The following MOB3C variants were observed in gnomAD, a reference collection of about 807,000 sequenced individuals.
MOB3C encodes MOB kinase activator 3C.
Under a neutral mutation model 19.8 loss-of-function variants are expected in MOB3C, and 17 were observed. That is an observed-to-expected ratio of 0.86 (90% confidence interval 0.59 to 1.29). The LOEUF is 1.29. MOB3C is among the 50% of genes most tolerant of loss of function. The pLI, the probability that MOB3C is intolerant of heterozygous loss-of-function variation, is 0.00. For synonymous variants in MOB3C, 101 were observed against 119.2 expected, an observed-to-expected ratio of 0.85 and a Z score of 0.99; for missense variants, 291 against 301.9, an observed-to-expected ratio of 0.96 and a Z score of 0.27.
intron 2 of MOB3C, among the ~76,000 whole-genome samples, chr1:46,610,904 A>C (rs1675453860): frequency 6.6e-6 from 1 of 152,194 alleles, no homozygotes; most frequent in South Asian, 2.1e-4. Flanking sequence ...TACAACTCCA[A>C]GGAGAGTTCA....
chr1:46,613,132 C>T lies in MOB3C; in HGVS notation c.190G>A (p.Val64Met), dbSNP rs757549206. The T allele has an allele frequency of 2.5e-6, 4 of 1,614,140 alleles. No homozygotes were observed. Among genetic ancestry groups the T allele is most frequent in the African/African-American group, 2.7e-5 (2 of 74,954 alleles). Residue 64 changes from valine to methionine, a missense_variant, in exon 2 of 4, where the codon GTG (valine) becomes ATG (methionine). Transcript: ENST00000319928. ...TTGATGCGGTTGAAGAAGTCCACCA[C>T]GTGCACGGCGATCCAGTCGTCGATG... ...ENIDDWIAVH[V>M]VDFFNRINLI...
chr1:46,609,538 G>T lies in MOB3C; in HGVS notation c.*117C>A. ...TGAGAACCAGAAGTCCAGAGGCTTT[G>T]GGTGTGTGGAGTGATTCCAGTGCCT... On this transcript the variant is annotated 3_prime_UTR_variant, in exon 4 of 4. Coordinates refer to ENST00000319928, the MANE Select transcript of MOB3C (RefSeq NM_201403.3). The T allele has an allele frequency of 7.7e-7, 1 of 1,291,202 alleles. No individual in the cohort carries two copies. Among genetic ancestry groups the T allele is most frequent in the Non-Finnish European group, 1.1e-6 (1 of 897,240 alleles). The allele number at this position is 1,291,202 out of a possible 1,614,324, so 80.0% of individuals were successfully genotyped here.
intron 2 of MOB3C, among the ~76,000 whole-genome samples, chr1:46,612,294 G>A (rs1314375318): frequency 1.3e-5 from 2 of 152,156 alleles, no homozygotes. Flanking sequence ...AGGGAACCCC[G>A]GGAGGCTGGA....
rs529141796 is a variant in MOB3C at position 46,610,894 on chromosome 1, T to C, written c.419-690A>G. 4.4e-4 allele frequency among the ~76,000 whole-genome samples: 67 copies of C among 152,332 alleles called. No individual in the cohort carries two copies. In the South Asian group the frequency reaches 0.013, roughly 31 times the overall value. The stretch of plus-strand genomic sequence containing the variant: ...GAGATGCTCACATCACACTCTTGTA[T>C]ACAACTCCAAGGAGAGTTCAACAAC... On this transcript the variant is annotated intron_variant, in intron 2 of 3. Coordinates refer to ENST00000319928, the MANE Select transcript of MOB3C (RefSeq NM_201403.3).
chr1:46,616,484 A>C (rs1675563259), intron 1 of MOB3C: 4 of 149,012 alleles, frequency 2.7e-5, no homozygotes, highest in African/African-American at 7.5e-5. Flanking sequence ...CCCCGAAAAC[A>C]CGCCCCCCAA....
In MOB3C at chr1:46,609,586, G is replaced by A. The variant is rs1168525455; in HGVS notation, c.*69C>T. ...CCTTCAGATTCCTTCAGGCTCCTGG[G>A]GGTCCCCTCTGCCAGCCACCCTATG... is the stretch of plus-strand genomic sequence containing the variant. On this transcript the variant is annotated 3_prime_UTR_variant, in exon 4 of 4. Transcript: ENST00000319928. 1.9e-6 allele frequency: 3 copies of A among 1,595,628 alleles called. No individual in the cohort carries two copies. The highest frequency in any genetic ancestry group is 1.3e-5 in the African/African-American group (1 of 74,542).
At chr1:46,610,301 TC>T in intron 2 of MOB3C, 97 bp from the exon 3 acceptor site, 1 of 1,057,456 alleles carries the variant, frequency 9.5e-7, no homozygotes, top group Non-Finnish European at 1.4e-6. Context: ...GATGGCTTTT[TC>T]CCCAGCACAC....
At chr1:46,610,517 G>A (rs1675446746) in intron 2 of MOB3C, among the ~76,000 whole-genome samples, 1 of 152,144 alleles carries the variant, frequency 6.6e-6, no homozygotes, top group African/African-American at 2.4e-5. Context: ...CCAAGTAGCT[G>A]GGATTACAGA....
At chr1:46,612,450 G>T (rs1212253328) in intron 2 of MOB3C, among the ~76,000 whole-genome samples, 2 of 152,080 alleles carry the variant, frequency 1.3e-5, no homozygotes, top group Non-Finnish European at 2.9e-5. Flanking sequence ...GATCACCTGA[G>T]GTCAGGTGTT....
chr1:46,609,915 G>A (rs886643216), intron 3 of MOB3C, 87 bp downstream of exon 3: 58 of 1,465,994 alleles, frequency 4.0e-5, no homozygotes, highest in African/African-American at 6.9e-5. Flanking sequence ...CTACTTGGGC[G>A]TTGGAGTTAC....
At position 46,613,058 on chromosome 1, in the gene MOB3C, C is replaced by T. The variant is rs751846975; in HGVS notation, c.264G>A (p.Pro88=). Residue 88 remains proline (P), a synonymous_variant, in exon 2 of 4, where the codon CCG becomes CCA. Transcript: ENST00000319928. Reference sequence around the variant, plus strand: ...CGTAGCGGGGCCCGCCGGCCATGACCGGGCAGCTGGTCTCACTGCAGCGCT... The same window carrying T: ...CGTAGCGGGGCCCGCCGGCCATGACTGGGCAGCTGGTCTCACTGCAGCGCT... ...MAERCSETSC[P]VMAGGPRYEY... The T allele has an allele frequency of 6.2e-7, 1 of 1,614,014 alleles. No individual in the cohort carries two copies. Among genetic ancestry groups the T allele is most frequent in the Non-Finnish European group, 8.5e-7 (1 of 1,180,004 alleles).
At position 46,613,016 on chromosome 1, in the gene MOB3C, G is replaced by C. The variant is rs748481466; in HGVS notation, c.306C>G (p.Asp102Glu). The C allele has an allele frequency of 6.2e-7, 1 of 1,613,590 alleles. No homozygotes were observed. Among genetic ancestry groups the C allele is most frequent in the African/African-American group, 1.3e-5 (1 of 75,072 alleles). ...TGGCGGGCCGCCGGTACTGGCGCTC[G>C]TCCTGCCAGCGGTACTCGTAGCGGG... ...GGPRYEYRWQ[D>E]ERQYRRPAKL... Residue 102 changes from aspartate (D) to glutamate (E), a missense_variant, in exon 2 of 4, where the codon GAC becomes GAG. By Grantham distance (45) the Asp-to-Glu change is conservative. Coordinates refer to ENST00000319928, the MANE Select transcript of MOB3C (RefSeq NM_201403.3).
chr1:46,614,776 G>A (rs1005466310), intron 1 of MOB3C: 2 of 546,084 alleles, frequency 3.7e-6, no homozygotes, highest in Non-Finnish European at 6.5e-6. Flanking sequence ...TAAAAGCAAA[G>A]GGATGGCACA....
In MOB3C at chr1:46,613,078, A is replaced by G. The variant is rs768093778; in HGVS notation, c.244T>C (p.Cys82Arg). The G allele has an allele frequency of 4.7e-5, 76 of 1,614,078 alleles. No individual in the cohort carries two copies. Among genetic ancestry groups the G allele is most frequent in the Non-Finnish European group, 6.4e-5 (75 of 1,180,016 alleles). ...NLIYGTMAER[C>R]SETSCPVMAG... ...ATGACCGGGCAGCTGGTCTCACTGC[A>G]GCGCTCCGCCATAGTGCCGTAGATG... is the stretch of plus-strand genomic sequence containing the variant. Residue 82 changes from cysteine to arginine, a missense_variant, in exon 2 of 4, where the codon TGC (cysteine) becomes CGC (arginine). Transcript: ENST00000319928.
At chr1:46,614,931 G>A (rs943597904) in intron 1 of MOB3C, 2 of 1,449,348 alleles carry the variant, frequency 1.4e-6, no homozygotes, top group Non-Finnish European at 1.9e-6. Context: ...AGTAGAAACA[G>A]GCCATTCAGC....
In MOB3C at chr1:46,610,145, G is replaced by A. The variant is rs749521623; in HGVS notation, c.478C>T (p.Arg160Ter). ...TGGATGTAGACATGGACAAAGACTC[G>A]GAAGAGGCGGGTCAGGATCTTGGTG... ...VCTKILTRLF[R>*]VFVHVYIHHF... is the part of the protein sequence containing the mutation. The change falls in exon 3 of 4, where the codon CGA (arginine) becomes TGA (stop). Residue 160 changes from arginine to a stop codon, truncating the protein, a stop_gained. Transcript: ENST00000319928. LOFTEE classifies it high-confidence loss of function. The A allele has an allele frequency of 1.7e-5, 27 of 1,614,038 alleles. No homozygotes were observed. The East Asian group carries it at 4.7e-4, about 28-fold the overall frequency.
chr1:46,613,801 G>T lies in MOB3C; in HGVS notation c.-50-430C>A, dbSNP rs540407844. The T allele has an allele frequency of 2.8e-4, 49 of 173,980 alleles. 1 individual carries two copies. The highest frequency in any genetic ancestry group is 5.0e-4 in the Non-Finnish European group (41 of 82,580). The allele number at this position is 173,980 out of a possible 1,614,324, so 10.8% of individuals were successfully genotyped here. On this transcript the variant is annotated intron_variant, in intron 1 of 3. Coordinates refer to ENST00000319928, the MANE Select transcript of MOB3C (RefSeq NM_201403.3). Reference sequence around the variant, plus strand: ...GCATTGTGCTGGGGGCAGGGTGGAGGGGGGTCGGGGGTGGCTTTCGGCTTC... The same window carrying T: ...GCATTGTGCTGGGGGCAGGGTGGAGTGGGGTCGGGGGTGGCTTTCGGCTTC...
At chr1:46,612,027 A>G (rs953399248) in intron 2 of MOB3C, among the ~76,000 whole-genome samples, 6 of 152,168 alleles carry the variant, frequency 3.9e-5, no homozygotes, top group Non-Finnish European at 8.8e-5. Context: ...TGATGAACAC[A>G]GTGTCATGCC....
intron 1 of MOB3C, chr1:46,614,112 C>G (rs889249028): frequency 6.6e-6 from 1 of 152,348 alleles, no homozygotes; most frequent in African/African-American, 2.4e-5. Flanking sequence ...CCCGTTGCAC[C>G]TGACACTCAG....
Sources: allele counts gnomAD v4.1 joint callset (sites outside exome capture counted in the v4.1 genomes callset), GRCh38; gene constraint gnomAD v4.1.1; transcripts MANE v1.5; gene names NCBI Gene and HGNC (gene_info 2026-07-23, HGNC 2026-07-21).